The following PREX1 variants were observed in gnomAD, a reference collection of about 807,000 sequenced individuals.
PREX1 encodes phosphatidylinositol 3,4,5-trisphosphate-dependent Rac exchanger 1 protein.
Under a neutral mutation model 198.3 loss-of-function variants are expected in PREX1, and 41 were observed. That is an observed-to-expected ratio of 0.21 (90% CI 0.16 to 0.27). PREX1 has a LOEUF of 0.27. PREX1 is among the 10% of genes least tolerant of loss of function. PREX1 has a pLI of 1.00. For synonymous variants in PREX1, 843 were observed against 887.2 expected (o/e 0.95, Z 0.89); for missense variants, 1,620 against 2,200.7 (o/e 0.74, Z 5.28).
Position 48,636,604 on chromosome 20 carries a change from C to A in PREX1, c.4026G>T (p.Leu1342=). 1 of 1,611,810 alleles carries A rather than the reference C, an allele frequency of 6.2e-7. No individual in the cohort carries two copies. The highest frequency in any genetic ancestry group is 2.2e-5 in the East Asian group (1 of 44,848). The change falls in exon 32 of 40, where the codon CTG becomes CTT. Residue 1342 remains leucine, a synonymous_variant. Coordinates refer to ENST00000371941, the MANE Select transcript of PREX1 (RefSeq NM_020820.4). The part of the protein sequence containing the change: ...VAAVCTFSKQ[L]LAALGYRYNN... ...TGTAGCGGTAGCCCAGGGCCGCCAG[C>A]AGCTGCTTGGAGAAGGTGCACACGG...
At chr20:48,681,193 G>A (rs2089747255) in intron 11 of PREX1, 42 bp downstream of exon 11, 5 of 1,556,984 alleles carry the variant, frequency 3.2e-6, no homozygotes, top group Non-Finnish European at 4.4e-6. Flanking sequence ...GGTCTGACCT[G>A]TTCCCACCCC....
At chr20:48,795,751 G>C (rs549106562) in intron 1 of PREX1, among the ~76,000 whole-genome samples, 1 of 152,198 alleles carries the variant, frequency 6.6e-6, no homozygotes, top group Admixed American at 6.5e-5. Flanking sequence ...AGATTATCCA[G>C]ACATACACAT....
At chr20:48,713,226 C>A (rs569590984) in intron 5 of PREX1, among the ~76,000 whole-genome samples, 4 of 151,970 alleles carry the variant, frequency 2.6e-5, no homozygotes, top group African/African-American at 9.7e-5. Context: ...CCAAGGCGGG[C>A]GGATCACCTG....
the PREX1 span, among the ~76,000 whole-genome samples, chr20:48,848,386 C>T: frequency 6.6e-6 from 1 of 151,932 alleles, no homozygotes; most frequent in Non-Finnish European, 1.5e-5. Flanking sequence ...TCCCGAGTAG[C>T]TGAGACCACA....
At chr20:48,748,785 G>A (rs1167063880) in intron 1 of PREX1, among the ~76,000 whole-genome samples, 1 of 152,238 alleles carries the variant, frequency 6.6e-6, no homozygotes, top group African/African-American at 2.4e-5. Flanking sequence ...CACGTGGGGA[G>A]GCCGCAGGCC....
the PREX1 span, among the ~76,000 whole-genome samples, chr20:48,838,939 T>G: frequency 4.9e-5 from 7 of 142,010 alleles, no homozygotes; most frequent in African/African-American, 1.9e-4. Flanking sequence ...GGCATGAGAA[T>G]TGCTTGAAAC....
the PREX1 span, among the ~76,000 whole-genome samples, chr20:48,848,749 G>T: frequency 2.6e-5 from 4 of 152,146 alleles, no homozygotes; most frequent in South Asian, 4.2e-4. Flanking sequence ...ACATTTTTAG[G>T]GGGGGTGGTT....
chr20:48,832,112 GA>G (rs919734562), upstream of PREX1, among the ~76,000 whole-genome samples: 165 of 126,412 alleles, frequency 1.3e-3, no homozygotes, highest in African/African-American at 3.9e-3. Flanking sequence ...GGAGGAAGAA[GA>G]AAAAAAAAAA....
intron 1 of PREX1, among the ~76,000 whole-genome samples, chr20:48,817,620 C>G (rs1378500890): frequency 6.6e-6 from 1 of 152,146 alleles, no homozygotes; most frequent in Admixed American, 6.5e-5. Context: ...GGCTAGGCCC[C>G]TGGCACTTGA....
At chr20:48,859,353 C>T in the PREX1 span, among the ~76,000 whole-genome samples, 1 of 152,196 alleles carries the variant, frequency 6.6e-6, no homozygotes, top group African/African-American at 2.4e-5. Context: ...GCCAACACTG[C>T]TTTAATACAA....
At chr20:48,841,131 G>A in the PREX1 span, among the ~76,000 whole-genome samples, 2 of 152,096 alleles carry the variant, frequency 1.3e-5, no homozygotes, top group East Asian at 3.9e-4. Context: ...ATGTTGCCCA[G>A]GCTGGTCCCA....
intron 26 of PREX1, among the ~76,000 whole-genome samples, chr20:48,644,777 C>T (rs749053387): frequency 6.6e-6 from 1 of 152,254 alleles, no homozygotes; most frequent in Non-Finnish European, 1.5e-5. Flanking sequence ...AGGTGTCACT[C>T]TGTCCAGTGT....
At chr20:48,855,514 T>C in the PREX1 span, among the ~76,000 whole-genome samples, 1 of 152,148 alleles carries the variant, frequency 6.6e-6, no homozygotes. Flanking sequence ...GTTCCAGTCA[T>C]CTGTTAGGCA....
rs1199816211 is a variant in PREX1, at chr20:48,681,675, CATAG to C, written c.1335-344_1335-341del. Reference sequence around the variant, plus strand: ...AGGCAGGTTGGTGGATGAGTGACTACATAGATGGATGGATGGATGGATGGATGGA... The same window carrying C: ...AGGCAGGTTGGTGGATGAGTGACTACATGGATGGATGGATGGATGGATGGA... On this transcript the variant is annotated intron_variant, in intron 10 of 39. Transcript: ENST00000371941. Among the ~76,000 whole-genome samples the C allele has an allele frequency of 1.4e-4, 14 of 97,628 alleles. 1 individual carries two copies. The South Asian group carries it at 5.0e-3, about 35-fold the overall frequency. The allele number at this position is 97,628 out of a possible 152,430, so 64.0% of individuals were successfully genotyped here.
At chr20:48,735,597 A>ATAGTACAGGCTGCCCAGCACG (rs1568844231) in intron 3 of PREX1, among the ~76,000 whole-genome samples, 4 of 151,908 alleles carry the variant, frequency 2.6e-5, no homozygotes, top group East Asian at 2.0e-4. Context: ...TACCCAGCAC[A>ATAGTACAGGCTGCCCAGCACG]TAGTACAGGC....
intron 5 of PREX1, among the ~76,000 whole-genome samples, chr20:48,718,226 C>T (rs956115794): frequency 2.4e-4 from 36 of 151,714 alleles, no homozygotes; most frequent in Middle Eastern, 3.4e-3. Flanking sequence ...GGCCCTAGCA[C>T]GGCTCACCGT....
chr20:48,698,096 G>A (rs6125439), intron 7 of PREX1, among the ~76,000 whole-genome samples: 10,286 of 152,268 alleles, frequency 0.068, 407 homozygotes, highest in South Asian at 0.14. Context: ...AATGCTGGCC[G>A]CCTGCCAGCT....
chr20:48,698,065 G>A (rs2089855949), intron 7 of PREX1, among the ~76,000 whole-genome samples: 1 of 152,196 alleles, frequency 6.6e-6, no homozygotes, highest in Non-Finnish European at 1.5e-5. Flanking sequence ...TCAGCCCTCT[G>A]GCTCTCCATC....
At chr20:48,762,788 C>T (rs771680392) in intron 1 of PREX1, among the ~76,000 whole-genome samples, 1 of 151,814 alleles carries the variant, frequency 6.6e-6, no homozygotes, top group Non-Finnish European at 1.5e-5. Context: ...CTGCAACCTC[C>T]GCCTTCTGGG....
Sources: allele counts gnomAD v4.1 joint callset (sites outside exome capture counted in the v4.1 genomes callset), GRCh38; gene constraint gnomAD v4.1.1; transcripts MANE v1.5; gene names NCBI Gene and HGNC (gene_info 2026-07-23, HGNC 2026-07-21).